The following ZDHHC11 variants were observed in gnomAD, a reference collection of about 807,000 sequenced individuals.
ZDHHC11 encodes zDHHC palmitoyltransferase 11, also known as palmitoyltransferase ZDHHC11.
A neutral mutation model predicts 51.3 loss-of-function variants in ZDHHC11; 44 were observed. The observed-to-expected ratio is 0.86, with a 90% CI of 0.67 to 1.10. The LOEUF (loss-of-function observed/expected upper bound fraction) is 1.10. Among genes scored for constraint, ZDHHC11 ranks in the 50% least tolerant of loss-of-function variants. The probability of loss-of-function intolerance (pLI) is 0.00; values close to 1 mark genes in which losing one functional copy is unlikely to be tolerated. For missense variants in ZDHHC11, 400 were observed against 537.7 expected (o/e 0.74, Z 2.53); for synonymous variants, 163 against 222.0 (o/e 0.73, Z 2.36).
intron 11 of ZDHHC11, among the ~76,000 whole-genome samples, chr5:814,081 T>C (rs1397319174): frequency 6.9e-6 from 1 of 144,582 alleles, no homozygotes; most frequent in Non-Finnish European, 1.5e-5. Flanking sequence ...TTAATATATG[T>C]TCATTTTATG....
intron 10 of ZDHHC11, among the ~76,000 whole-genome samples, chr5:818,293 G>C (rs1269983256): frequency 1.3e-5 from 2 of 151,660 alleles, no homozygotes; most frequent in African/African-American, 4.8e-5. Flanking sequence ...GTGAGGGAAC[G>C]TTGGTGGGTG....
intron 11 of ZDHHC11, among the ~76,000 whole-genome samples, chr5:806,661 T>C (rs571344923): frequency 2.0e-5 from 3 of 151,318 alleles, no homozygotes; most frequent in Non-Finnish European, 3.0e-5. Context: ...AAAGAATATA[T>C]AAAAACTCTA....
At chr5:859,845 G>A (rs961056470), upstream of ZDHHC11, among the ~76,000 whole-genome samples, 1 of 151,136 alleles carries the variant, frequency 6.6e-6, no homozygotes, top group African/African-American at 2.5e-5. Context: ...AGTTCGTGTC[G>A]GTTGGGGGGG....
intron 1 of ZDHHC11, 92 bp downstream of exon 1, chr5:850,289 G>A (rs1025917663): frequency 1.4e-5 from 20 of 1,424,852 alleles, no homozygotes; most frequent in East Asian, 4.9e-5. Flanking sequence ...TGGTGCCACC[G>A]GGCAGCCATG....
intron 7 of ZDHHC11, among the ~76,000 whole-genome samples, chr5:828,503 A>G (rs1307981878): frequency 2.0e-5 from 3 of 151,524 alleles, no homozygotes; most frequent in East Asian, 3.9e-4. Flanking sequence ...AATTTATAAA[A>G]CAATTCTTAC....
rs1561218347 is a variant in ZDHHC11 at position 796,033 on chromosome 5, TCAGTACTGTGCTCCCACTTCC to T, written c.*534_*554del. On this transcript the variant is annotated 3_prime_UTR_variant, in exon 13 of 13. Transcript: ENST00000283441. ...TTTCTCAGTACTGTGCTCCCACTTC[TCAGTACTGTGCTCCCACTTCC>T]CAGTACTGTGCTCCCATTTCCCAAT... The T allele has an allele frequency of 2.6e-4, 11 of 42,618 alleles. No homozygotes were observed. Among genetic ancestry groups the T allele is most frequent in the African/African-American group, 1.1e-3 (10 of 8,766 alleles). The allele number at this position is 42,618 out of a possible 1,614,324, so 2.6% of individuals were successfully genotyped here. A position where few individuals can be genotyped will look rare whatever the true frequency, so the allele number is the denominator to read the frequency against.
intron 4 of ZDHHC11, chr5:842,529 C>T (rs1745175834): frequency 3.0e-6 from 3 of 985,780 alleles, no homozygotes; most frequent in Admixed American, 1.2e-4. Context: ...TGTTCTGGAA[C>T]AAGGGCAGGC....
In ZDHHC11 at chr5:840,585, T is replaced by A; in HGVS notation, c.694A>T (p.Ile232Leu). The change falls in exon 5 of 13, where the codon ATA (isoleucine) becomes TTA (leucine). Residue 232 changes from isoleucine to leucine, a missense_variant. This residue lies in a region of ZDHHC11 where 231 missense variants were observed against 227.4 expected (regional missense o/e 1.02). Transcript: ENST00000283441. The part of the protein sequence containing the change: ...PLFPVQVQTL[I>L]VVIIGMLVLL... ...ACGAGCATCCCGATGATCACGACTA[T>A]CAGGGTCTGCACCTGCACCGGGAAC... 4.3e-6 allele frequency: 7 copies of A among 1,613,890 alleles called. No homozygotes were observed. Among genetic ancestry groups the A allele is most frequent in the Middle Eastern group, 1.7e-4 (1 of 6,056 alleles).
At chr5:831,303 A>G (rs375892544) in intron 7 of ZDHHC11, among the ~76,000 whole-genome samples, 2 of 149,290 alleles carry the variant, frequency 1.3e-5, no homozygotes, top group East Asian at 2.0e-4. Flanking sequence ...AAATCATCCA[A>G]TTGGGTGTGG....
At chr5:845,433 T>C (rs1323466471) in intron 3 of ZDHHC11, among the ~76,000 whole-genome samples, 1 of 146,432 alleles carries the variant, frequency 6.8e-6, no homozygotes, top group African/African-American at 2.7e-5. Context: ...GGGCCTCCTC[T>C]CCCCGCAGCC....
At chr5:813,215 C>G (rs1403636431) in intron 11 of ZDHHC11, among the ~76,000 whole-genome samples, 1 of 142,018 alleles carries the variant, frequency 7.0e-6, no homozygotes, top group African/African-American at 2.8e-5. Flanking sequence ...GTGGTCCCAG[C>G]TACTTGGGAG....
chr5:839,615 T>C (rs1744439417), intron 5 of ZDHHC11: 1 of 149,910 alleles, frequency 6.7e-6, no homozygotes, highest in African/African-American at 2.5e-5. Flanking sequence ...CCTGTGGTTA[T>C]GAACAAGGAG....
chr5:849,947 C>A (rs1746891141), intron 1 of ZDHHC11, among the ~76,000 whole-genome samples: 1 of 151,268 alleles, frequency 6.6e-6, no homozygotes, highest in Non-Finnish European at 1.5e-5. Flanking sequence ...CAGGGCAGCC[C>A]AGAGGCCCTC....
intron 9 of ZDHHC11, 80 bp downstream of exon 9, chr5:821,781 T>G: frequency 7.3e-7 from 1 of 1,369,212 alleles, no homozygotes; most frequent in Non-Finnish European, 1.0e-6. Context: ...TGACATATTT[T>G]CCTAAGTAAT....
chr5:841,590 C>G, intron 4 of ZDHHC11: 5 of 998,508 alleles, frequency 5.0e-6, no homozygotes, highest in Non-Finnish European at 4.8e-6. Flanking sequence ...GCCCCAGCAC[C>G]CATCCCTTGC....
At chr5:815,343 A>T (rs2150319531) in intron 10 of ZDHHC11, among the ~76,000 whole-genome samples, 1 of 149,126 alleles carries the variant, frequency 6.7e-6, no homozygotes, top group South Asian at 2.1e-4. Flanking sequence ...TGGAAGCTCT[A>T]GCAAAGAAAA....
At chr5:833,122 A>ATC (rs1743271631) in intron 7 of ZDHHC11, among the ~76,000 whole-genome samples, 1 of 152,262 alleles carries the variant, frequency 6.6e-6, no homozygotes, top group African/African-American at 2.4e-5. Flanking sequence ...TACTGTTAGT[A>ATC]TCTCATAGTG....
At chr5:844,225 C>T (rs1323720940) in intron 3 of ZDHHC11, among the ~76,000 whole-genome samples, 2 of 152,282 alleles carry the variant, frequency 1.3e-5, no homozygotes, top group East Asian at 1.9e-4. Context: ...CCAGGCCTCT[C>T]GCTGGAGAGG....
In ZDHHC11 at chr5:821,900, G is replaced by A; in HGVS notation, c.1024-5C>T. On this transcript the variant is annotated splice_region_variant and splice_polypyrimidine_tract_variant and intron_variant, in intron 8 of 12. Coordinates refer to ENST00000283441, the MANE Select transcript of ZDHHC11 (RefSeq NM_024786.3). ...ACACGGGTCTTCATCCCCTTCCTGT[G>A]GGGAAGTGAAGCAAAATTCATAGAA... 1 of 1,603,200 alleles carries A rather than the reference G, an allele frequency of 6.2e-7. No individual in the cohort carries two copies. Among genetic ancestry groups the A allele is most frequent in the Non-Finnish European group, 8.5e-7 (1 of 1,173,250 alleles).
Sources: allele counts gnomAD v4.1 joint callset (sites outside exome capture counted in the v4.1 genomes callset), GRCh38; gene constraint gnomAD v4.1.1; regional missense constraint gnomAD v4.1.1; transcripts MANE v1.5; gene names NCBI Gene and HGNC (gene_info 2026-07-23, HGNC 2026-07-21).